PRRC2A: variants seen among roughly 807,000 people sequenced by gnomAD.
PRRC2A encodes the protein proline rich coiled-coil 2A, also known as protein PRRC2A.
PRRC2A carries 59 observed loss-of-function variants against 224.6 expected under a neutral mutation model. The ratio of observed to expected loss-of-function variants is 0.26; its 90% CI spans 0.21 to 0.33. The LOEUF is 0.33. PRRC2A is among the 10% of genes least tolerant of loss of function. The probability of loss-of-function intolerance (pLI) is 1.00; values close to 1 mark genes in which losing one functional copy is unlikely to be tolerated. For synonymous variants in PRRC2A, 1,194 were observed against 1,109.5 expected (o/e 1.08, Z -1.51); for missense variants, 3,095 against 2,880.7 (o/e 1.07, Z -1.70).
At position 31,632,390 on chromosome 6, in the gene PRRC2A, A is replaced by G. The variant is rs1195264637; in HGVS notation, c.3717A>G (p.Arg1239=). The G allele has an allele frequency of 1.9e-6, 3 of 1,610,450 alleles. No individual in the cohort carries two copies. The highest frequency in any genetic ancestry group is 2.7e-5 in the African/African-American group (2 of 74,796). Residue 1239 remains arginine, a synonymous_variant, in exon 16 of 31, where the codon CGA becomes CGG. Transcript: ENST00000376033. Reference sequence around the variant, plus strand: ...ATGTGGGCATGGAAGATGGGGAGCGACCCCGAAGGAGGCGACATGGGAGGG... The same window carrying G: ...ATGTGGGCATGGAAGATGGGGAGCGGCCCCGAAGGAGGCGACATGGGAGGG... ...GSNVGMEDGE[R]PRRRRHGRAQ...
rs767129627 is a variant in PRRC2A at position 31,637,306 on chromosome 6, C to T, written c.6315C>T (p.Arg2105=). 5 of 1,612,054 alleles carry T rather than the reference C, an allele frequency of 3.1e-6. No individual in the cohort carries two copies. Among genetic ancestry groups the T allele is most frequent in the East Asian group, 2.2e-5 (1 of 44,874 alleles). ...ACAGTGGAGTCTTCCGCACCCAGCG[C>T]GTCGACCTTTACCAGCAGGTGAAGG... is the stretch of plus-strand genomic sequence containing the variant. The part of the protein sequence containing the change: ...STYSGVFRTQ[R]VDLYQQASPP... The change falls in exon 30 of 31, where the codon CGC becomes CGT. Residue 2105 remains arginine (R), a synonymous_variant. Coordinates refer to ENST00000376033, the MANE Select transcript of PRRC2A (RefSeq NM_004638.4).
Position 31,626,042 on chromosome 6 carries a change from C to A in PRRC2A, c.862C>A (p.Pro288Thr). 1 of 1,609,442 alleles carries A rather than the reference C, an allele frequency of 6.2e-7. No homozygotes were observed. The highest frequency in any genetic ancestry group is 8.5e-7 in the Non-Finnish European group (1 of 1,178,526). Residue 288 changes from proline to threonine, a missense_variant, in exon 9 of 31, where the codon CCC (proline) becomes ACC (threonine). Physicochemically the swap from Pro to Thr is conservative, Grantham distance 38. Around this residue, in one of 8 missense-constraint regions of PRRC2A, gnomAD observed 287 missense variants for 275.3 expected, o/e 1.04. Transcript: ENST00000376033. ...CAGCCGTTTTCCCCGTGTGGCGGGC[C>A]CCCGAGGCTCAGGGCCACCAATGCG... is the stretch of plus-strand genomic sequence containing the variant. ...GPSRFPRVAG[P>T]RGSGPPMRLV...
Position 31,634,375 on chromosome 6 carries a change from G to A in PRRC2A, c.4849+10G>A, listed in dbSNP as rs1340754120. 6.2e-7 allele frequency: 1 copy of A among 1,612,602 alleles called. No homozygotes were observed. The highest frequency in any genetic ancestry group is 1.1e-5 in the South Asian group (1 of 91,076). ...AACCGTTTACATACTGGTGAGTAAA[G>A]CTGAGTGAAAGGACTATGGTAGAAG... On this transcript the variant is annotated intron_variant, in intron 19 of 30. Transcript: ENST00000376033.
chr6:31,625,402 G>C lies in PRRC2A; in HGVS notation c.608-58G>C. 2 of 1,611,896 alleles carry C rather than the reference G, an allele frequency of 1.2e-6. No homozygotes were observed. The highest frequency in any genetic ancestry group is 8.5e-7 in the Non-Finnish European group (1 of 1,177,940). ...TTCACCTTCCTCCCCATCACTTTCA[G>C]CTGTGTTCACTTGTCCTCCAATCAT... On this transcript the variant is annotated intron_variant, in intron 6 of 30. Coordinates refer to ENST00000376033, the MANE Select transcript of PRRC2A (RefSeq NM_004638.4). This position sits in a 1 kb window ranked among gnomAD's most constrained non-coding sequence, Gnocchi z 4.1.
intron 1 of PRRC2A, 81 bp downstream of exon 1, chr6:31,620,939 C>CGGT (rs967279694): frequency 3.8e-5 from 6 of 157,232 alleles, no homozygotes; most frequent in Non-Finnish European, 5.6e-5. Flanking sequence ...GCGGCGGCGG[C>CGGT]GGTGGTGGGC....
Position 31,632,863 on chromosome 6 carries a change from G to A in PRRC2A, c.4190G>A (p.Arg1397Gln), listed in dbSNP as rs375966631. 15 of 1,613,028 alleles carry A rather than the reference G, an allele frequency of 9.3e-6. No individual in the cohort carries two copies. The highest frequency in any genetic ancestry group is 1.2e-5 in the Non-Finnish European group (14 of 1,179,978). ...SQRPGMERQN[R>Q]RPGPGGKAGS... Reference sequence around the variant, plus strand: ...CGGCCAGGCATGGAACGGCAGAATCGGCGCCCTGGCCCAGGGGGCAAGGCT... The same window carrying A: ...CGGCCAGGCATGGAACGGCAGAATCAGCGCCCTGGCCCAGGGGGCAAGGCT... Residue 1397 changes from arginine to glutamine, a missense_variant, in exon 16 of 31, where the codon CGG becomes CAG. Around this residue, in one of 8 missense-constraint regions of PRRC2A, gnomAD observed 2,001 missense variants for 1,764.9 expected, o/e 1.13. Transcript: ENST00000376033.
At chr6:31,623,960 T>C in intron 3 of PRRC2A, 51 bp downstream of exon 3, 1 of 1,593,148 alleles carries the variant, frequency 6.3e-7, no homozygotes, top group Non-Finnish European at 8.6e-7. Flanking sequence ...AACTTGAACT[T>C]CAGGGAGCAT....
rs569706200 is a variant in PRRC2A, at chr6:31,636,509, G to C, written c.5836-1G>C. ...ATATATTTCTCCCTGTTTCCCGACAGGTACGCCAGGATCTGCCATCCCCTT... is the reference window on the plus strand; with the variant it reads ...ATATATTTCTCCCTGTTTCCCGACACGTACGCCAGGATCTGCCATCCCCTT... On this transcript the variant is annotated splice_acceptor_variant, in intron 26 of 30. Coordinates refer to ENST00000376033, the MANE Select transcript of PRRC2A (RefSeq NM_004638.4). LOFTEE classifies it high-confidence loss of function. This position sits in a 1 kb window ranked among gnomAD's most constrained non-coding sequence, Gnocchi z 4.3. 28 of 1,609,060 alleles carry C rather than the reference G, an allele frequency of 1.7e-5. No homozygotes were observed. Among genetic ancestry groups the C allele is most frequent in the Non-Finnish European group, 2.2e-5 (26 of 1,177,628 alleles).
In PRRC2A at chr6:31,630,575, T is replaced by C; in HGVS notation, c.2255-16T>C. 1.2e-6 allele frequency: 2 copies of C among 1,613,418 alleles called. No homozygotes were observed. The highest frequency in any genetic ancestry group is 1.7e-6 in the Non-Finnish European group (2 of 1,179,510). On this transcript the variant is annotated splice_polypyrimidine_tract_variant and intron_variant, in intron 14 of 30. Transcript: ENST00000376033. Reference sequence around the variant, plus strand: ...ACATGAATAGGATTATTTTTCTTTTTCTTTGGTTTCTTCAGGCCTAGTTCC... The same window carrying C: ...ACATGAATAGGATTATTTTTCTTTTCCTTTGGTTTCTTCAGGCCTAGTTCC...
Position 31,636,116 on chromosome 6 carries a change from GAC to G in PRRC2A, c.5624+71_5624+72del. 4 of 1,567,240 alleles carry G rather than the reference GAC, an allele frequency of 2.6e-6. No individual in the cohort carries two copies. Among genetic ancestry groups the G allele is most frequent in the Non-Finnish European group, 2.6e-6 (3 of 1,138,018 alleles). ...GTGTTTCGGGGAGAGGGAAGGGGAA[GAC>G]ACAGTTCTAGGGTACTAGAAGCTAG... On this transcript the variant is annotated intron_variant, in intron 25 of 30. Coordinates refer to ENST00000376033, the MANE Select transcript of PRRC2A (RefSeq NM_004638.4). This position sits in a 1 kb window ranked among gnomAD's most constrained non-coding sequence, Gnocchi z 4.3.
At chr6:31,633,712 G>A in intron 17 of PRRC2A, 65 bp downstream of exon 17, 1 of 1,548,290 alleles carries the variant, frequency 6.5e-7, no homozygotes, top group Admixed American at 2.0e-5. Flanking sequence ...GCTGGAGGGA[G>A]CGGGTGGAGA....
chr6:31,622,677 A>G lies in PRRC2A; in HGVS notation c.-100-13A>G. The stretch of plus-strand genomic sequence containing the variant: ...GCAATGGAGTTTTTAAGTTTCTGTT[A>G]TGGTCTGTACAGGGGACAGAGACTG... On this transcript the variant is annotated splice_polypyrimidine_tract_variant and intron_variant, in intron 1 of 30. Coordinates refer to ENST00000376033, the MANE Select transcript of PRRC2A (RefSeq NM_004638.4). The G allele has an allele frequency of 2.7e-6, 2 of 729,314 alleles. No individual in the cohort carries two copies. Among genetic ancestry groups the G allele is most frequent in the East Asian group, 2.6e-5 (1 of 38,962 alleles). The allele number at this position is 729,314 out of a possible 1,614,324, so 45.2% of individuals were successfully genotyped here.
At position 31,629,688 on chromosome 6, in the gene PRRC2A, C is replaced by T. The variant is rs764106019; in HGVS notation, c.2097C>T (p.Pro699=). ...AVPAPQAPPP[P]PKALYPGALG... ...CAGCTCCACAGGCTCCACCCCCGCC[C>T]CCCAAGGCCCTGTACCCAGGTGCTC... is the stretch of plus-strand genomic sequence containing the variant. The change falls in exon 14 of 31, where the codon CCC becomes CCT. Residue 699 remains proline (P), a synonymous_variant. Transcript: ENST00000376033. 28 of 1,603,316 alleles carry T rather than the reference C, an allele frequency of 1.7e-5. No homozygotes were observed. Among genetic ancestry groups the T allele is most frequent in the Non-Finnish European group, 2.4e-5 (28 of 1,174,018 alleles).
At position 31,636,409 on chromosome 6, in the gene PRRC2A, C is replaced by T. The variant is rs772753311; in HGVS notation, c.5825C>T (p.Ser1942Leu). 8.1e-6 allele frequency: 13 copies of T among 1,612,760 alleles called. No homozygotes were observed. The African/African-American group carries it at 1.2e-4, about 15-fold the overall frequency. The change falls in exon 26 of 31, where the codon TCG becomes TTG. Residue 1942 changes from serine (S) to leucine (L), a missense_variant. Around this residue, in one of 8 missense-constraint regions of PRRC2A, gnomAD observed 662 missense variants for 609.5 expected, o/e 1.09. Transcript: ENST00000376033. This position sits in a 1 kb window ranked among gnomAD's most constrained non-coding sequence, Gnocchi z 4.3. ...AFCPSPLPDT[S>L]LLQVRQDLPS... ...TGCCCCAGTCCTTTGCCTGACACATCGTTGCTTCAGGTAAGAGGGGGGCAG... is the reference window on the plus strand; with the variant it reads ...TGCCCCAGTCCTTTGCCTGACACATTGTTGCTTCAGGTAAGAGGGGGGCAG...
rs183612130 is a variant in PRRC2A, at chr6:31,627,668, C to T, written c.1291-97C>T. The stretch of plus-strand genomic sequence containing the variant: ...ATCAACCCCAAAGCCTGGGTCGTTG[C>T]ATCCTGCAAGTAGCGACAGTTGATT... On this transcript the variant is annotated intron_variant, in intron 11 of 30. Transcript: ENST00000376033. This position sits in a 1 kb window ranked among gnomAD's most constrained non-coding sequence, Gnocchi z 5.6. The T allele has an allele frequency of 2.1e-6, 3 of 1,463,098 alleles. No homozygotes were observed. The highest frequency in any genetic ancestry group is 1.3e-5 in the South Asian group (1 of 75,252). 90.6% of individuals were successfully genotyped at this position (1,463,098 alleles called of 1,614,324 possible). A position where few individuals can be genotyped will look rare whatever the true frequency, so the allele number is the denominator to read the frequency against.
In PRRC2A at chr6:31,634,903, G is replaced by A. The variant is rs148877049; in HGVS notation, c.5086G>A (p.Val1696Ile). Reference protein sequence around the residue: ...RPGGSSPLNAVPCEGPPGSEP... With the variant: ...RPGGSSPLNAIPCEGPPGSEP... ...TGGAGGCTCCTCACCCCTGAATGCT[G>A]TTCCTTGTGAGGGTCCACCTGGCTC... is the stretch of plus-strand genomic sequence containing the variant. Residue 1696 changes from valine (V) to isoleucine (I), a missense_variant, in exon 21 of 31, where the codon GTT becomes ATT. Physicochemically the swap from Val to Ile is conservative, Grantham distance 29. Around this residue, in one of 8 missense-constraint regions of PRRC2A, gnomAD observed 662 missense variants for 609.5 expected, o/e 1.09. Coordinates refer to ENST00000376033, the MANE Select transcript of PRRC2A (RefSeq NM_004638.4). The A allele has an allele frequency of 4.0e-5, 64 of 1,612,906 alleles. No homozygotes were observed. In the African/African-American group the frequency reaches 8.0e-4, roughly 20 times the overall value.
intron 5 of PRRC2A, chr6:31,624,844 G>T: frequency 1.9e-6 from 1 of 515,462 alleles, no homozygotes; most frequent in Non-Finnish European, 3.5e-6. Flanking sequence ...TGTCACCCAG[G>T]CTGGAGTGCA....
Position 31,625,331 on chromosome 6 carries a change from T to C in PRRC2A, c.607+17T>C, listed in dbSNP as rs762803001. 2 of 1,613,932 alleles carry C rather than the reference T, an allele frequency of 1.2e-6. No homozygotes were observed. The highest frequency in any genetic ancestry group is 1.3e-5 in the African/African-American group (1 of 74,952). ...GCCCCCAAAGTGAGTGGCTGCCTTT[T>C]GGCCAAGACATTACCTATTGCATCT... On this transcript the variant is annotated intron_variant, in intron 6 of 30. Transcript: ENST00000376033. The surrounding 1 kb of genome is among the most constrained non-coding windows in gnomAD (Gnocchi z 4.1).
rs1012645344 is a variant in PRRC2A at position 31,633,602 on chromosome 6, C to T, written c.4543C>T (p.Pro1515Ser). Residue 1515 changes from proline (P) to serine (S), a missense_variant, in exon 17 of 31, where the codon CCA becomes TCA. Physicochemically the swap from Pro to Ser is moderately conservative, Grantham distance 74. Transcript: ENST00000376033. ...QAPQGPSPRP[P>S]TRYEPQRVNS... ...CCCTCAGGGCCCCTCTCCTAGGCCC[C>T]CAACCCGATACGAGCCCCAGAGGGT... The T allele has an allele frequency of 1.1e-5, 17 of 1,612,712 alleles. No individual in the cohort carries two copies. In the Admixed American group the frequency reaches 2.3e-4, roughly 22 times the overall value.
Sources: allele counts gnomAD v4.1 joint callset, GRCh38; gene constraint gnomAD v4.1.1; regional missense constraint gnomAD v4.1.1; non-coding constraint Gnocchi (gnomAD v3.1); transcripts MANE v1.5; gene names NCBI Gene and HGNC (gene_info 2026-07-23, HGNC 2026-07-21).